The following KAT2B variants were observed in gnomAD, a reference collection of about 807,000 sequenced individuals.
KAT2B encodes lysine acetyltransferase 2B, also known as histone acetyltransferase KAT2B.
In KAT2B, 36 loss-of-function variants were observed where a neutral mutation model predicts 105.9. The ratio of observed to expected loss-of-function variants is 0.34; its 90% CI spans 0.26 to 0.45. The LOEUF (loss-of-function observed/expected upper bound fraction) is 0.45. Ranked by LOEUF, KAT2B falls within the 20% of genes least tolerant of loss-of-function variation. KAT2B has a pLI of 1.00. For synonymous variants in KAT2B, 397 were observed against 377.9 expected, an observed-to-expected ratio of 1.05 and a Z score of -0.59; for missense variants, 820 against 1,021.6, an observed-to-expected ratio of 0.80 and a Z score of 2.69.
intron 6 of KAT2B, among the ~76,000 whole-genome samples, chr3:20,112,680 G>A (rs1353938054): frequency 6.6e-6 from 1 of 152,140 alleles, no homozygotes; most frequent in African/African-American, 2.4e-5. Flanking sequence ...GGCTGGCTAG[G>A]TATGATATAG....
intron 1 of KAT2B, among the ~76,000 whole-genome samples, chr3:20,056,687 G>A (rs963201796): frequency 6.6e-6 from 1 of 152,156 alleles, no homozygotes; most frequent in Non-Finnish European, 1.5e-5. Context: ...GTTGATAGAA[G>A]GTCTTGAATT....
intron 1 of KAT2B, among the ~76,000 whole-genome samples, chr3:20,068,661 G>A (rs565377105): frequency 1.5e-4 from 23 of 152,156 alleles, no homozygotes; most frequent in Admixed American, 1.4e-3. Flanking sequence ...CAGAATCTTT[G>A]TTTCATAGTC....
intron 11 of KAT2B, among the ~76,000 whole-genome samples, chr3:20,132,398 T>C (rs763135714): frequency 2.0e-5 from 3 of 152,270 alleles, no homozygotes; most frequent in South Asian, 2.1e-4. Flanking sequence ...TTGAATTTGA[T>C]ATTATATACA....
chr3:20,062,279 TA>T (rs1559514514), intron 1 of KAT2B, among the ~76,000 whole-genome samples: 1 of 60,980 alleles, frequency 1.6e-5, no homozygotes, highest in African/African-American at 5.1e-5. Context: ...ATATAATATA[TA>T]AAATATAATA....
chr3:20,077,979 A>G (rs1046007862), intron 2 of KAT2B, among the ~76,000 whole-genome samples: 1 of 152,136 alleles, frequency 6.6e-6, no homozygotes, highest in Non-Finnish European at 1.5e-5. Flanking sequence ...ATTCGAGACC[A>G]TCTTGGGCAA....
At chr3:20,122,974 G>A (rs1699337391) in intron 9 of KAT2B, 170 bp downstream of exon 9, 3 of 983,636 alleles carry the variant, frequency 3.0e-6, no homozygotes, top group Non-Finnish European at 3.6e-6. Context: ...TGATCAAGAG[G>A]TAATTCCCCT....
chr3:20,118,969 C>T (rs1377066205), intron 7 of KAT2B, among the ~76,000 whole-genome samples: 2 of 151,746 alleles, frequency 1.3e-5, no homozygotes, highest in Non-Finnish European at 2.9e-5. Flanking sequence ...TATATGCTGT[C>T]TTCTGTTTTT....
At chr3:20,071,247 A>G (rs572734991) in intron 1 of KAT2B, among the ~76,000 whole-genome samples, 2 of 152,326 alleles carry the variant, frequency 1.3e-5, no homozygotes, top group East Asian at 3.9e-4. Context: ...TCTAGTGCTC[A>G]ATAGCCACAT....
At chr3:20,110,301 C>G (rs900378515) in intron 5 of KAT2B, among the ~76,000 whole-genome samples, 1 of 152,030 alleles carries the variant, frequency 6.6e-6, no homozygotes, top group African/African-American at 2.4e-5. Context: ...TTGGTGCCAC[C>G]CTCCATGGCT....
chr3:20,068,283 A>G (rs1452176154), intron 1 of KAT2B, among the ~76,000 whole-genome samples: 1 of 151,814 alleles, frequency 6.6e-6, no homozygotes, highest in Non-Finnish European at 1.5e-5. Flanking sequence ...GGTGTGAGCC[A>G]CTGTGCTTGA....
Position 20,111,931 on chromosome 3 carries a change from T to C in KAT2B, c.1043+144T>C. On this transcript the variant is annotated intron_variant, in intron 6 of 17. Coordinates refer to ENST00000263754, the MANE Select transcript of KAT2B (RefSeq NM_003884.5). ...TGGGAGAAAAGACCCTCAGTTCCCT[T>C]TGTGAATCTTCTTGGGTATTTTCCA... 8 of 674,084 alleles carry C rather than the reference T, an allele frequency of 1.2e-5. No individual in the cohort carries two copies. The South Asian group carries it at 1.6e-4, about 13-fold the overall frequency. 41.8% of individuals were successfully genotyped at this position (674,084 alleles called of 1,614,324 possible).
chr3:20,078,032 G>A (rs1301732287), intron 2 of KAT2B, among the ~76,000 whole-genome samples: 2 of 152,136 alleles, frequency 1.3e-5, no homozygotes, highest in East Asian at 3.9e-4. Flanking sequence ...AAAATCAGCT[G>A]GTGTGGTGGC....
chr3:20,099,234 A>T (rs1201337012), intron 3 of KAT2B, among the ~76,000 whole-genome samples: 1 of 152,180 alleles, frequency 6.6e-6, no homozygotes, highest in African/African-American at 2.4e-5. Context: ...GTTGGCCTGC[A>T]TTCTACGGAT....
chr3:20,072,513 TCTTAA>T, intron 2 of KAT2B, 54 bp downstream of exon 2: 1 of 1,560,082 alleles, frequency 6.4e-7, no homozygotes, highest in Non-Finnish European at 8.8e-7. Flanking sequence ...AGCGTGAGAC[TCTTAA>T]CTTACTGAAT....
Position 20,081,239 on chromosome 3 carries a change from C to G in KAT2B, c.430+8780C>G, listed in dbSNP as rs565006409. 4.0e-4 allele frequency among the ~76,000 whole-genome samples: 61 copies of G among 152,324 alleles called. 2 individuals carry two copies. The highest frequency in any genetic ancestry group is 4.0e-3 in the Admixed American group (61 of 15,300). The stretch of plus-strand genomic sequence containing the variant: ...AGGGACATGTTAGCTGCCTGCCCAG[C>G]TGCTGCCTGTTCACACTGCAGGGCA... On this transcript the variant is annotated intron_variant, in intron 2 of 17. Coordinates refer to ENST00000263754, the MANE Select transcript of KAT2B (RefSeq NM_003884.5).
chr3:20,133,059 T>G (rs1030758969), intron 11 of KAT2B, among the ~76,000 whole-genome samples: 1 of 152,254 alleles, frequency 6.6e-6, no homozygotes, highest in African/African-American at 2.4e-5. Flanking sequence ...TTTTTAATTA[T>G]GTAAGACATA....
intron 1 of KAT2B, among the ~76,000 whole-genome samples, chr3:20,070,589 C>A (rs1445771517): frequency 6.6e-6 from 1 of 151,382 alleles, no homozygotes; most frequent in Non-Finnish European, 1.5e-5. Flanking sequence ...CAGGCGTGAC[C>A]CACCGTGCCC....
chr3:20,098,818 C>G (rs1698857842), intron 3 of KAT2B, among the ~76,000 whole-genome samples: 1 of 152,236 alleles, frequency 6.6e-6, no homozygotes, highest in Non-Finnish European at 1.5e-5. Flanking sequence ...ATGCCCCATA[C>G]TCATAATTTG....
intron 17 of KAT2B, among the ~76,000 whole-genome samples, chr3:20,149,707 C>G (rs146991175): frequency 1.3e-5 from 2 of 152,118 alleles, no homozygotes; most frequent in African/African-American, 4.8e-5. Flanking sequence ...GCTTTTCTTT[C>G]TCTCTTCTCT....
Sources: gnomAD v4.1 joint callset for allele counts (sites outside exome capture counted in the v4.1 genomes callset) on GRCh38, gnomAD v4.1.1 for gene constraint, MANE v1.5 for transcripts, NCBI Gene and HGNC (gene_info 2026-07-23, HGNC 2026-07-21) for gene names.